The following CPS1 variants were observed in gnomAD, a reference collection of about 807,000 sequenced individuals.
CPS1 encodes carbamoyl-phosphate synthase 1, also known as carbamoyl-phosphate synthase [ammonia], mitochondrial.
A neutral mutation model predicts 174.6 loss-of-function variants in CPS1; 109 were observed. The ratio of observed to expected loss-of-function variants is 0.62; its 90% CI spans 0.53 to 0.73. The LOEUF (loss-of-function observed/expected upper bound fraction) is 0.73. CPS1 is among the 30% of genes least tolerant of loss of function. CPS1 has a pLI of 0.00. For missense variants in CPS1, 1,689 were observed against 1,821.9 expected, an observed-to-expected ratio of 0.93 and a Z score of 1.33; for synonymous variants, 637 against 632.0, an observed-to-expected ratio of 1.01 and a Z score of -0.12.
intron 1 of CPS1, among the ~76,000 whole-genome samples, chr2:210,535,393 T>G (rs2106005507): frequency 6.6e-6 from 1 of 152,296 alleles, no homozygotes; most frequent in South Asian, 2.1e-4. Context: ...TATTAAAAGC[T>G]TTCTATCTAC....
intron 1 of CPS1, among the ~76,000 whole-genome samples, chr2:210,507,285 T>A (rs544610459): frequency 6.6e-6 from 1 of 152,214 alleles, no homozygotes; most frequent in East Asian, 1.9e-4. Flanking sequence ...CTAAGCTTCA[T>A]AAGTGAAGGA....
At chr2:210,576,619 A>G (rs1378457481) in intron 3 of CPS1, 129 bp downstream of exon 3, 2 of 981,474 alleles carry the variant, frequency 2.0e-6, no homozygotes, top group Non-Finnish European at 3.3e-6. Flanking sequence ...CATGTATTCA[A>G]TCTTATTCCT....
rs1351908236 is a variant in CPS1 at position 210,582,622 on chromosome 2, C to T, written c.534C>T (p.Thr178=). 4 of 1,611,746 alleles carry T rather than the reference C, an allele frequency of 2.5e-6. No individual in the cohort carries two copies. The highest frequency in any genetic ancestry group is 3.4e-6 in the Non-Finnish European group (4 of 1,178,244). ...MLTKIIRDKG[T]MLGKIEFEGQ... ...TAATTTTTTTAATTTGATAGGGTAC[C>T]ATGCTTGGGAAGATTGAATTTGAAG... The change falls in exon 6 of 38, where the codon ACC becomes ACT. Residue 178 remains threonine (T), a synonymous_variant. Coordinates refer to ENST00000233072, the MANE Select transcript of CPS1 (RefSeq NM_001875.5).
intron 1 of CPS1, among the ~76,000 whole-genome samples, chr2:210,548,125 GTTA>G (rs1472880091): frequency 6.6e-6 from 1 of 151,854 alleles, no homozygotes; most frequent in Non-Finnish European, 1.5e-5. Flanking sequence ...CTTTTTCTGA[GTTA>G]TATATTTTTA....
rs983820997 is a variant in CPS1, at chr2:210,678,306, A to G, written c.*321A>G. ...GATTAATGGTGATCAAGGTAGGAAA[A>G]GTTGCTGTTCTATTTTCTGAACTCT... On this transcript the variant is annotated 3_prime_UTR_variant, in exon 38 of 38. Coordinates refer to ENST00000233072, the MANE Select transcript of CPS1 (RefSeq NM_001875.5). 4.4e-5 allele frequency: 17 copies of G among 389,580 alleles called. 1 individual carries two copies. Among genetic ancestry groups the G allele is most frequent in the Non-Finnish European group, 6.7e-5 (14 of 207,748 alleles). The allele number at this position is 389,580 out of a possible 1,614,324, so 24.1% of individuals were successfully genotyped here. A position where few individuals can be genotyped will look rare whatever the true frequency, so the allele number is the denominator to read the frequency against.
chr2:210,499,864 G>A (rs1368953372), intron 1 of CPS1, among the ~76,000 whole-genome samples: 1 of 152,082 alleles, frequency 6.6e-6, no homozygotes, highest in Non-Finnish European at 1.5e-5. Flanking sequence ...TTGGGAGCTG[G>A]AGTATCTTTC....
At chr2:210,633,842 C>T (rs1699945801) in intron 21 of CPS1, among the ~76,000 whole-genome samples, 1 of 152,106 alleles carries the variant, frequency 6.6e-6, no homozygotes, top group Non-Finnish European at 1.5e-5. Flanking sequence ...ATTTGAAGAA[C>T]CCGCACTTAT....
At chr2:210,635,008 A>T (rs1309564419) in intron 21 of CPS1, among the ~76,000 whole-genome samples, 3 of 151,990 alleles carry the variant, frequency 2.0e-5, no homozygotes, top group Non-Finnish European at 2.9e-5. Context: ...CAGTGGCGTG[A>T]TCTCGGCTCA....
At chr2:210,486,684 A>G (rs1357109129) in intron 1 of CPS1, among the ~76,000 whole-genome samples, 1 of 152,092 alleles carries the variant, frequency 6.6e-6, no homozygotes, top group African/African-American at 2.4e-5. Flanking sequence ...CTAATTTTGT[A>G]TTTCCATTAG....
chr2:210,630,497 A>C (rs1456739750), intron 21 of CPS1, among the ~76,000 whole-genome samples: 1 of 152,202 alleles, frequency 6.6e-6, no homozygotes, highest in East Asian at 1.9e-4. Flanking sequence ...ATTGTGATAG[A>C]ATCTGGGTCC....
rs1574573024 is a variant in CPS1, at chr2:210,599,416, A to C, written c.1404A>C (p.Ser468=). The C allele has an allele frequency of 1.3e-5, 21 of 1,612,542 alleles. No individual in the cohort carries two copies. Among genetic ancestry groups the C allele is most frequent in the Non-Finnish European group, 1.8e-5 (21 of 1,178,992 alleles). The change falls in exon 14 of 38, where the codon TCA becomes TCC. Residue 468 remains serine, a synonymous_variant. Transcript: ENST00000233072. The stretch of plus-strand genomic sequence containing the variant: ...TTCTGATGAACCCAAACATTGCATC[A>C]GTCCAGACCAATGAGGTGGGCTTAA... The part of the protein sequence containing the change: ...KTVLMNPNIA[S]VQTNEVGLKQ...
intron 13 of CPS1, among the ~76,000 whole-genome samples, chr2:210,596,658 T>C (rs1299124724): frequency 6.6e-6 from 1 of 151,998 alleles, no homozygotes; most frequent in Non-Finnish European, 1.5e-5. Flanking sequence ...TTCTTTGTAT[T>C]ATGCTTTAAT....
intron 21 of CPS1, chr2:210,617,537 G>T (rs1034173278): frequency 6.6e-6 from 1 of 151,962 alleles, no homozygotes; most frequent in African/African-American, 2.4e-5. Context: ...TTGGGTTACT[G>T]TATTTGCCTG....
intron 1 of CPS1, among the ~76,000 whole-genome samples, chr2:210,519,026 T>C (rs1212703643): frequency 1.3e-5 from 2 of 152,058 alleles, no homozygotes; most frequent in Admixed American, 6.6e-5. Flanking sequence ...AGAGTTAAGA[T>C]TTTCTTCTGA....
chr2:210,493,819 C>T (rs1694924508), intron 1 of CPS1, among the ~76,000 whole-genome samples: 1 of 152,146 alleles, frequency 6.6e-6, no homozygotes, highest in Non-Finnish European at 1.5e-5. Flanking sequence ...AGTTGAACAT[C>T]TCATTTACAG....
chr2:210,583,295 T>G (rs183047948), intron 6 of CPS1, among the ~76,000 whole-genome samples: 17 of 152,234 alleles, frequency 1.1e-4, no homozygotes, highest in African/African-American at 4.1e-4. Context: ...TGGTTTTGAT[T>G]GAATATCTAC....
chr2:210,640,147 T>C, intron 24 of CPS1, 88 bp downstream of exon 24: 2 of 922,094 alleles, frequency 2.2e-6, no homozygotes, highest in Non-Finnish European at 3.4e-6. Context: ...CCAAGAACTA[T>C]ATCAAATAAA....
At chr2:210,519,002 T>C (rs150693462) in intron 1 of CPS1, among the ~76,000 whole-genome samples, 1 of 152,108 alleles carries the variant, frequency 6.6e-6, no homozygotes, top group East Asian at 1.9e-4. Context: ...ACCAATTATG[T>C]GAGTGAAACC....
chr2:210,602,119 C>G, intron 15 of CPS1, 83 bp from the exon 16 acceptor site: 4 of 1,558,156 alleles, frequency 2.6e-6, no homozygotes, highest in South Asian at 1.1e-5. Context: ...GTTGGTTTAC[C>G]TGATTGCCAG....
Sources: allele counts gnomAD v4.1 joint callset (sites outside exome capture counted in the v4.1 genomes callset), GRCh38; gene constraint gnomAD v4.1.1; transcripts MANE v1.5; gene names NCBI Gene and HGNC (gene_info 2026-07-23, HGNC 2026-07-21).